SLC35F3: variants seen among roughly 807,000 people sequenced by gnomAD.
SLC35F3 encodes the protein solute carrier family 35 member F3.
Under a neutral mutation model 49.9 loss-of-function variants are expected in SLC35F3, and 25 were observed. That is an observed-to-expected ratio of 0.50 (90% CI 0.37 to 0.70). The LOEUF is 0.70. Among genes scored for constraint, SLC35F3 ranks in the 30% least tolerant of loss-of-function variants. SLC35F3 has a pLI of 0.00. For missense variants in SLC35F3, 525 were observed against 639.8 expected (o/e 0.82, Z 1.94); for synonymous variants, 275 against 265.4 (o/e 1.04, Z -0.35).
rs190833457 is a variant in SLC35F3, at chr1:234,015,645, A to G, written c.283+109887A>G. On this transcript the variant is annotated intron_variant, in intron 2 of 7. Coordinates refer to ENST00000366618, the MANE Select transcript of SLC35F3 (RefSeq NM_173508.4). Reference sequence around the variant, plus strand: ...AAATTGGACCCTCATCTCACACCTTATACAAAAATAAACTCAAAATGGATT... The same window carrying G: ...AAATTGGACCCTCATCTCACACCTTGTACAAAAATAAACTCAAAATGGATT... Among the ~76,000 whole-genome samples, 74 of 152,324 alleles carry G rather than the reference A, an allele frequency of 4.9e-4. 1 individual carries two copies. In the South Asian group the frequency reaches 0.013, roughly 26 times the overall value.
chr1:234,059,108 T>C (rs1664499423), intron 2 of SLC35F3, among the ~76,000 whole-genome samples: 1 of 152,154 alleles, frequency 6.6e-6, no homozygotes, highest in Non-Finnish European at 1.5e-5. Flanking sequence ...ATTGTATTGT[T>C]CTCTTCAAGT....
intron 2 of SLC35F3, among the ~76,000 whole-genome samples, chr1:234,157,293 C>T (rs923071669): frequency 2.6e-5 from 4 of 152,060 alleles, no homozygotes; most frequent in African/African-American, 9.7e-5. Context: ...TTTATATTCT[C>T]ATCTCCTGCA....
intron 2 of SLC35F3, among the ~76,000 whole-genome samples, chr1:234,180,504 C>T (rs1666541106): frequency 6.6e-6 from 1 of 152,228 alleles, no homozygotes. Context: ...TCATGTCCCA[C>T]TAGGACTTTA....
intron 2 of SLC35F3, among the ~76,000 whole-genome samples, chr1:234,218,298 G>C (rs1232899084): frequency 6.6e-6 from 1 of 152,112 alleles, no homozygotes; most frequent in African/African-American, 2.4e-5. Flanking sequence ...TCCCCCAAGA[G>C]GCGTGCAGCA....
chr1:234,192,019 A>G (rs1482736943), intron 2 of SLC35F3, among the ~76,000 whole-genome samples: 2 of 152,202 alleles, frequency 1.3e-5, no homozygotes, highest in Non-Finnish European at 2.9e-5. Flanking sequence ...GCTGAATTCT[A>G]TCAGACATTC....
chr1:234,046,206 T>C lies in SLC35F3; in HGVS notation c.283+140448T>C, dbSNP rs1044255730. Among the ~76,000 whole-genome samples the C allele has an allele frequency of 1.3e-5, 2 of 152,198 alleles. No homozygotes were observed. The highest frequency in any genetic ancestry group is 2.9e-5 in the Non-Finnish European group (2 of 68,008). On this transcript the variant is annotated intron_variant, in intron 2 of 7. Transcript: ENST00000366618. This position sits in a 1 kb window ranked among gnomAD's most constrained non-coding sequence, Gnocchi z 4.4. Reference sequence around the variant, plus strand: ...AGCATATTTGGCTTTTAAGAGCATGTTACACCAAATTAAATTTATTCTAGA... The same window carrying C: ...AGCATATTTGGCTTTTAAGAGCATGCTACACCAAATTAAATTTATTCTAGA...
intron 3 of SLC35F3, among the ~76,000 whole-genome samples, chr1:234,273,717 G>C (rs1668148544): frequency 6.6e-6 from 1 of 152,182 alleles, no homozygotes; most frequent in Admixed American, 6.5e-5. Flanking sequence ...TCTGGAGCAG[G>C]GAAGGAATCG....
Position 234,231,022 on chromosome 1 carries a change from A to C in SLC35F3, c.284-395A>C, listed in dbSNP as rs1456644702. ...GTACTCGTCAACTGACATAAATGAG[A>C]GTGGAGATATTTCAGCTGCTCTGTG... On this transcript the variant is annotated intron_variant, in intron 2 of 7. Coordinates refer to ENST00000366618, the MANE Select transcript of SLC35F3 (RefSeq NM_173508.4). This position sits in a 1 kb window ranked among gnomAD's most constrained non-coding sequence, Gnocchi z 5.4. Among the ~76,000 whole-genome samples the C allele has an allele frequency of 6.6e-6, 1 of 152,042 alleles. No individual in the cohort carries two copies. Among genetic ancestry groups the C allele is most frequent in the African/African-American group, 2.4e-5 (1 of 41,394 alleles).
intron 2 of SLC35F3, among the ~76,000 whole-genome samples, chr1:234,076,809 C>T (rs1664798520): frequency 6.6e-6 from 1 of 152,060 alleles, no homozygotes. Flanking sequence ...TAGCAGTTCT[C>T]TTCTGTCGAT....
chr1:234,077,283 C>A (rs975087401), intron 2 of SLC35F3, among the ~76,000 whole-genome samples: 1 of 152,208 alleles, frequency 6.6e-6, no homozygotes. Flanking sequence ...GGATTACAGG[C>A]GTGAGCCACC....
At chr1:234,268,915 A>G (rs1254979839) in intron 3 of SLC35F3, 1 of 152,234 alleles carries the variant, frequency 6.6e-6, no homozygotes, top group East Asian at 1.9e-4. Flanking sequence ...CTGCACACCT[A>G]AACTATATGT....
chr1:234,100,651 G>GCA (rs1366181484), intron 2 of SLC35F3, among the ~76,000 whole-genome samples: 3 of 152,222 alleles, frequency 2.0e-5, no homozygotes, highest in Non-Finnish European at 4.4e-5. Context: ...GATTAAAAGT[G>GCA]TAGATACACA....
At position 234,170,122 on chromosome 1, in the gene SLC35F3, T is replaced by C. The variant is rs72760013; in HGVS notation, c.284-61295T>C. Reference sequence around the variant, plus strand: ...CTTCTCCAGCCCCACTCTCTCAGCCTCCTACCCTAAGACAGGCTGAAAGAA... The same window carrying C: ...CTTCTCCAGCCCCACTCTCTCAGCCCCCTACCCTAAGACAGGCTGAAAGAA... On this transcript the variant is annotated intron_variant, in intron 2 of 7. Transcript: ENST00000366618. Among the ~76,000 whole-genome samples the C allele has an allele frequency of 2.9e-3, 443 of 152,262 alleles. 1 individual carries two copies. The highest frequency in any genetic ancestry group is 4.1e-3 in the Non-Finnish European group (281 of 68,008).
intron 2 of SLC35F3, among the ~76,000 whole-genome samples, chr1:234,021,110 G>T (rs1381157232): frequency 1.3e-5 from 2 of 152,282 alleles, no homozygotes; most frequent in South Asian, 2.1e-4. Flanking sequence ...CTAAAAGGCA[G>T]AACAGATCTT....
intron 2 of SLC35F3, among the ~76,000 whole-genome samples, chr1:234,016,340 T>C (rs78542703): frequency 0.043 from 6,594 of 152,258 alleles, 277 homozygotes; most frequent in East Asian, 0.16. Context: ...ATCTGCACTC[T>C]CACTTTCATT....
At chr1:233,958,158 CTATTT>C (rs1662736486) in intron 2 of SLC35F3, among the ~76,000 whole-genome samples, 1 of 152,184 alleles carries the variant, frequency 6.6e-6, no homozygotes, top group South Asian at 2.1e-4. Context: ...GGACTCTCTT[CTATTT>C]TATGTTTCTA....
intron 2 of SLC35F3, among the ~76,000 whole-genome samples, chr1:233,966,883 C>T (rs1262131457): frequency 1.3e-5 from 2 of 152,092 alleles, no homozygotes; most frequent in Non-Finnish European, 2.9e-5. Context: ...CAGTGCTGGC[C>T]CTGAACGAAC....
chr1:233,982,857 C>A (rs1160345446), intron 2 of SLC35F3, among the ~76,000 whole-genome samples: 1 of 152,106 alleles, frequency 6.6e-6, no homozygotes, highest in East Asian at 1.9e-4. Context: ...TAGCTGTGGT[C>A]ATAAAGGATT....
Position 234,099,607 on chromosome 1 carries a change from TAAA to T in SLC35F3, c.284-131792_284-131790del, listed in dbSNP as rs34510298. Among the ~76,000 whole-genome samples, 231 of 87,628 alleles carry T rather than the reference TAAA, an allele frequency of 2.6e-3. 1 individual carries two copies. In the South Asian group the frequency reaches 0.035, roughly 13 times the overall value. The allele number at this position is 87,628 out of a possible 152,430, so 57.5% of individuals were successfully genotyped here. A position where few individuals can be genotyped will look rare whatever the true frequency, so the allele number is the denominator to read the frequency against. On this transcript the variant is annotated intron_variant, in intron 2 of 7. Transcript: ENST00000366618. ...CCTGGCAACAGAGCGAGACTCTGTC[TAAA>T]AAAAAAAAAAAAAAAAACAAAAAAA...
Sources: allele counts gnomAD v4.1 joint callset (sites outside exome capture counted in the v4.1 genomes callset), GRCh38; gene constraint gnomAD v4.1.1; non-coding constraint Gnocchi (gnomAD v3.1); transcripts MANE v1.5; gene names NCBI Gene and HGNC (gene_info 2026-07-23, HGNC 2026-07-21).